The following CLSTN2 variants were observed in gnomAD, a reference collection of about 807,000 sequenced individuals.
CLSTN2 encodes calsyntenin-2.
Under a neutral mutation model 101.2 loss-of-function variants are expected in CLSTN2, and 48 were observed. The observed-to-expected ratio is 0.47, with a 90% CI of 0.38 to 0.60. The LOEUF is 0.60. CLSTN2 is among the 20% of genes least tolerant of loss of function. CLSTN2 has a pLI of 0.00. For synonymous variants in CLSTN2, 481 were observed against 463.6 expected, an observed-to-expected ratio of 1.04 and a Z score of -0.48; for missense variants, 1,160 against 1,238.2, an observed-to-expected ratio of 0.94 and a Z score of 0.95.
chr3:140,542,254 T>A (rs140512673), intron 9 of CLSTN2, among the ~76,000 whole-genome samples: 11 of 152,328 alleles, frequency 7.2e-5, no homozygotes, highest in Non-Finnish European at 1.0e-4. Context: ...ATTTTCAGTG[T>A]CAATATGTTA....
chr3:140,252,381 T>A (rs1181589678), intron 2 of CLSTN2, among the ~76,000 whole-genome samples: 1 of 152,158 alleles, frequency 6.6e-6, no homozygotes, highest in Non-Finnish European at 1.5e-5. Flanking sequence ...CAAAGTGTGG[T>A]CCACAGACTA....
intron 1 of CLSTN2, among the ~76,000 whole-genome samples, chr3:140,031,865 G>C (rs2007557269): frequency 6.6e-6 from 1 of 152,200 alleles, no homozygotes; most frequent in Non-Finnish European, 1.5e-5. Context: ...TCTGGCTCCA[G>C]TGTCCTTCAG....
chr3:140,408,465 T>A (rs2088329231), intron 4 of CLSTN2, among the ~76,000 whole-genome samples: 1 of 152,104 alleles, frequency 6.6e-6, no homozygotes, highest in East Asian at 1.9e-4. Flanking sequence ...ACCCTCAGGA[T>A]CTCAACAGCC....
chr3:140,223,551 C>A lies in CLSTN2; in HGVS notation c.232+47478C>A, dbSNP rs183861491. Reference sequence around the variant, plus strand: ...TCCTAGAATGCTTTTTTGCACCCGGCTTTTTACCCTATCATCATTCATTTT... The same window carrying A: ...TCCTAGAATGCTTTTTTGCACCCGGATTTTTACCCTATCATCATTCATTTT... On this transcript the variant is annotated intron_variant, in intron 2 of 16. Coordinates refer to ENST00000458420, the MANE Select transcript of CLSTN2 (RefSeq NM_022131.3). Among the ~76,000 whole-genome samples the A allele has an allele frequency of 3.4e-3, 521 of 152,174 alleles. 4 individuals are homozygous for A. The highest frequency in any genetic ancestry group is 6.3e-3 in the Non-Finnish European group (428 of 67,964).
intron 4 of CLSTN2, among the ~76,000 whole-genome samples, chr3:140,407,554 T>C (rs2088317375): frequency 6.6e-6 from 1 of 152,196 alleles, no homozygotes; most frequent in Non-Finnish European, 1.5e-5. Context: ...GGATATTGTT[T>C]GCAGGGTATC....
At chr3:139,972,589 A>G (rs1357968670) in intron 1 of CLSTN2, among the ~76,000 whole-genome samples, 1 of 152,130 alleles carries the variant, frequency 6.6e-6, no homozygotes, top group Non-Finnish European at 1.5e-5. Flanking sequence ...CCAGTTATTC[A>G]ATGGCTTATA....
chr3:140,073,224 A>G (rs370421798), intron 1 of CLSTN2, among the ~76,000 whole-genome samples: 67 of 152,344 alleles, frequency 4.4e-4, no homozygotes, highest in African/African-American at 1.2e-3. Flanking sequence ...CGATCCTGTA[A>G]TGTGGTGAAA....
intron 10 of CLSTN2, among the ~76,000 whole-genome samples, chr3:140,553,008 G>A: frequency 6.6e-6 from 1 of 152,212 alleles, no homozygotes; most frequent in African/African-American, 2.4e-5. Context: ...GCGTGAGGCA[G>A]CTCCAGGAAT....
chr3:140,327,685 T>C (rs1178737464), intron 2 of CLSTN2, among the ~76,000 whole-genome samples: 1 of 152,188 alleles, frequency 6.6e-6, no homozygotes, highest in Non-Finnish European at 1.5e-5. Context: ...AACCTCAGAT[T>C]CCTCATCTGT....
chr3:140,571,277 A>G lies in CLSTN2; in HGVS notation c.*5024A>G, dbSNP rs891536462. 3.3e-5 allele frequency: 5 copies of G among 152,238 alleles called. No homozygotes were observed. The highest frequency in any genetic ancestry group is 1.2e-4 in the African/African-American group (5 of 41,458). 9.4% of individuals were successfully genotyped at this position (152,238 alleles called of 1,614,324 possible). ...GAATCAATAGCAACATCATCAGTAG[A>G]AAGCCCGACCAAGCACACTTCGAAA... On this transcript the variant is annotated 3_prime_UTR_variant, in exon 17 of 17. Transcript: ENST00000458420.
intron 8 of CLSTN2, among the ~76,000 whole-genome samples, chr3:140,512,384 C>CA (rs1360696294): frequency 6.6e-6 from 1 of 152,154 alleles, no homozygotes; most frequent in East Asian, 1.9e-4. Context: ...ATGCTTTCCC[C>CA]ATTGCTTGTT....
At chr3:139,977,299 G>A (rs995481644) in intron 1 of CLSTN2, among the ~76,000 whole-genome samples, 46 of 152,082 alleles carry the variant, frequency 3.0e-4, no homozygotes, top group African/African-American at 1.1e-3. Flanking sequence ...AAGGAAGAAT[G>A]GACAGAAGGA....
chr3:139,952,250 A>G (rs952497969), intron 1 of CLSTN2, among the ~76,000 whole-genome samples: 1 of 152,226 alleles, frequency 6.6e-6, no homozygotes, highest in African/African-American at 2.4e-5. Flanking sequence ...TTCTGATTCT[A>G]AAATCAACAC....
intron 2 of CLSTN2, among the ~76,000 whole-genome samples, chr3:140,378,934 C>T (rs1013109603): frequency 3.9e-5 from 6 of 152,202 alleles, no homozygotes; most frequent in Non-Finnish European, 5.9e-5. Flanking sequence ...CCCACCTTTC[C>T]TCCTTCCTGC....
intron 1 of CLSTN2, among the ~76,000 whole-genome samples, chr3:140,160,099 G>A (rs981105043): frequency 7.9e-5 from 12 of 151,920 alleles, no homozygotes; most frequent in East Asian, 1.9e-4. Flanking sequence ...TATATCCTAA[G>A]CCTCAGGATC....
intron 1 of CLSTN2, among the ~76,000 whole-genome samples, chr3:140,108,939 C>A (rs962590746): frequency 1.3e-5 from 2 of 152,050 alleles, no homozygotes; most frequent in Admixed American, 1.3e-4. Context: ...GCAGAGAGCA[C>A]CCTATGAACT....
intron 4 of CLSTN2, among the ~76,000 whole-genome samples, chr3:140,414,219 C>T (rs2088400153): frequency 6.6e-6 from 1 of 152,020 alleles, no homozygotes; most frequent in Admixed American, 6.6e-5. Context: ...AAAAGCAACA[C>T]ACAAAAATTA....
At chr3:140,241,527 G>C (rs1046557007) in intron 2 of CLSTN2, among the ~76,000 whole-genome samples, 1 of 152,134 alleles carries the variant, frequency 6.6e-6, no homozygotes, top group African/African-American at 2.4e-5. Context: ...CTCATGTCCT[G>C]TAACTGTTCC....
chr3:140,344,278 A>G (rs575422597), intron 2 of CLSTN2, among the ~76,000 whole-genome samples: 1 of 152,294 alleles, frequency 6.6e-6, no homozygotes, highest in South Asian at 2.1e-4. Flanking sequence ...GGAGGTTTCC[A>G]AGACATGATG....
Sources: allele counts gnomAD v4.1 joint callset (sites outside exome capture counted in the v4.1 genomes callset), GRCh38; gene constraint gnomAD v4.1.1; transcripts MANE v1.5; gene names NCBI Gene and HGNC (gene_info 2026-07-23, HGNC 2026-07-21).